Variants in PRMT8 observed in about 807,000 individuals in gnomAD.
PRMT8 encodes the protein protein arginine methyltransferase 8.
Under a neutral mutation model 47.1 loss-of-function variants are expected in PRMT8, and 7 were observed. The ratio of observed to expected loss-of-function variants is 0.15; its 90% CI spans 0.08 to 0.28. The LOEUF is 0.28. Ranked by LOEUF, PRMT8 falls within the 10% of genes least tolerant of loss-of-function variation. The pLI, the probability that PRMT8 is intolerant of heterozygous loss-of-function variation, is 1.00. For missense variants in PRMT8, 237 were observed against 505.4 expected, an observed-to-expected ratio of 0.47 and a Z score of 5.09; for synonymous variants, 188 against 186.5, an observed-to-expected ratio of 1.01 and a Z score of -0.07.
At chr12:3,486,519 A>G (rs1865325091), upstream of PRMT8, among the ~76,000 whole-genome samples, 2 of 152,160 alleles carry the variant, frequency 1.3e-5, no homozygotes, top group Non-Finnish European at 2.9e-5. Context: ...ATTGCACTGG[A>G]AAGACTGAAT....
At chr12:3,490,339 A>G (rs1194523801), upstream of PRMT8, among the ~76,000 whole-genome samples, 1 of 152,172 alleles carries the variant, frequency 6.6e-6, no homozygotes, top group Non-Finnish European at 1.5e-5. Flanking sequence ...GAAGCTCTCA[A>G]AGTGAAGACA....
intron 4 of PRMT8, among the ~76,000 whole-genome samples, chr12:3,554,481 C>G (rs986137432): frequency 1.3e-5 from 2 of 152,192 alleles, no homozygotes; most frequent in South Asian, 4.1e-4. Context: ...GCCGGGGCTG[C>G]AGTGAGGCCG....
At position 3,493,642 on chromosome 12, in the gene PRMT8, G is replaced by C. The variant is rs1027437019; in HGVS notation, c.75+1942G>C. 2.6e-5 allele frequency among the ~76,000 whole-genome samples: 4 copies of C among 152,206 alleles called. No homozygotes were observed. Among genetic ancestry groups the C allele is most frequent in the African/African-American group, 9.7e-5 (4 of 41,434 alleles). On this transcript the variant is annotated intron_variant, in intron 1 of 9. Coordinates refer to ENST00000382622, the MANE Select transcript of PRMT8 (RefSeq NM_019854.5). The surrounding 1 kb of genome is among the most constrained non-coding windows in gnomAD (Gnocchi z 8.2). ...GCCTCGGCGAGGGTTAAAGGCGTCC[G>C]GAGCAGGCAGAGCGCCGCGCGCCAG...
rs1591614096 is a variant in PRMT8 at position 3,580,351 on chromosome 12, T to TGTGC, written c.829-2704_829-2703insCGTG. 6.7e-6 allele frequency among the ~76,000 whole-genome samples: 1 copy of TGTGC among 150,050 alleles called. No homozygotes were observed. Among genetic ancestry groups the TGTGC allele is most frequent in the East Asian group, 1.9e-4 (1 of 5,152 alleles). ...GGGTGCGTGTGCGTGTGTGTGTGTG[T>TGTGC]GTGTGTGTGTGTGTGTACGCGTGCG... On this transcript the variant is annotated intron_variant, in intron 7 of 9. Coordinates refer to ENST00000382622, the MANE Select transcript of PRMT8 (RefSeq NM_019854.5). The surrounding 1 kb of genome is among the most constrained non-coding windows in gnomAD (Gnocchi z 4.6).
At chr12:3,527,345 A>G (rs1054864224) in intron 1 of PRMT8, among the ~76,000 whole-genome samples, 1 of 152,166 alleles carries the variant, frequency 6.6e-6, no homozygotes, top group African/African-American at 2.4e-5. Flanking sequence ...GGCGGGCAGC[A>G]TATACAGCAT....
At chr12:3,450,313 T>C (rs1256216160) in intron 1 of PRMT8, among the ~76,000 whole-genome samples, 3 of 152,244 alleles carry the variant, frequency 2.0e-5, no homozygotes, top group African/African-American at 4.8e-5. Context: ...TTTACCCATA[T>C]GAGATTTTGT....
At chr12:3,489,661 C>T (rs1865354745), upstream of PRMT8, among the ~76,000 whole-genome samples, 1 of 152,154 alleles carries the variant, frequency 6.6e-6, no homozygotes, top group Middle Eastern at 3.4e-3. Flanking sequence ...ATTTATTTTC[C>T]TACCACTTTC....
In PRMT8 at chr12:3,583,853, C is replaced by T. The variant is rs1324324393; in HGVS notation, c.979+645C>T. ...TCCTCACCACCCCTCTTGGCCGAGCCCTGTCCCGTCGCTGCTACCCCACAG... is the reference window on the plus strand; with the variant it reads ...TCCTCACCACCCCTCTTGGCCGAGCTCTGTCCCGTCGCTGCTACCCCACAG... On this transcript the variant is annotated intron_variant, in intron 8 of 9. Transcript: ENST00000382622. The surrounding 1 kb of genome is among the most constrained non-coding windows in gnomAD (Gnocchi z 4.7). 6.6e-6 allele frequency among the ~76,000 whole-genome samples: 1 copy of T among 152,232 alleles called. No individual in the cohort carries two copies. The highest frequency in any genetic ancestry group is 1.5e-5 in the Non-Finnish European group (1 of 68,038).
At chr12:3,422,513 G>C (rs1352977015) in intron 1 of PRMT8, among the ~76,000 whole-genome samples, 1 of 152,200 alleles carries the variant, frequency 6.6e-6, no homozygotes, top group Non-Finnish European at 1.5e-5. Context: ...TCCCTTTTAA[G>C]GGCTTACAAC....
chr12:3,422,218 C>T (rs532639777), intron 1 of PRMT8, among the ~76,000 whole-genome samples: 2 of 152,316 alleles, frequency 1.3e-5, no homozygotes, highest in South Asian at 2.1e-4. Context: ...TTATTTCCCA[C>T]CAGCCTCTGA....
chr12:3,465,866 G>T (rs939236578), intron 1 of PRMT8, among the ~76,000 whole-genome samples: 1 of 152,138 alleles, frequency 6.6e-6, no homozygotes, highest in Admixed American at 6.5e-5. Context: ...ACGCAGGAGG[G>T]TTGATTTTTT....
intron 1 of PRMT8, among the ~76,000 whole-genome samples, chr12:3,410,595 G>A (rs376789936): frequency 9.9e-5 from 15 of 152,266 alleles, no homozygotes; most frequent in Admixed American, 3.3e-4. Flanking sequence ...TGCAACCTCC[G>A]TCTACTGGAT....
upstream of PRMT8, chr12:3,491,156 C>G: frequency 1.0e-6 from 1 of 986,894 alleles, no homozygotes; most frequent in Non-Finnish European, 1.2e-6. Context: ...TACCCCGCCC[C>G]CACTCACCCG....
upstream of PRMT8, among the ~76,000 whole-genome samples, chr12:3,486,429 T>C (rs1865324117): frequency 6.6e-6 from 1 of 152,202 alleles, no homozygotes; most frequent in Non-Finnish European, 1.5e-5. Context: ...ATAAGTCTCT[T>C]CACCTTTTAG....
intron 3 of PRMT8, 146 bp from the exon 4 acceptor site, chr12:3,553,505 G>A (rs2137181320): frequency 1.4e-6 from 1 of 717,244 alleles, no homozygotes; most frequent in Admixed American, 2.4e-5. Context: ...CTGGGTTTCG[G>A]TTTTCAGTCT....
intron 3 of PRMT8, chr12:3,551,621 G>A (rs973970335): frequency 5.9e-5 from 9 of 152,290 alleles, no homozygotes; most frequent in African/African-American, 2.2e-4. Flanking sequence ...TCCAGCTGCG[G>A]TGACTTGGCG....
chr12:3,413,818 C>T (rs1156620172), intron 1 of PRMT8, among the ~76,000 whole-genome samples: 1 of 152,100 alleles, frequency 6.6e-6, no homozygotes, highest in African/African-American at 2.4e-5. Flanking sequence ...CAACTATTTA[C>T]ATAAAATTTA....
intron 1 of PRMT8, among the ~76,000 whole-genome samples, chr12:3,405,659 A>G (rs936703062): frequency 2.0e-5 from 3 of 152,198 alleles, no homozygotes; most frequent in African/African-American, 7.2e-5. Flanking sequence ...GAAGTCCAAA[A>G]TCCAGTAGGG....
Position 3,492,697 on chromosome 12 carries a change from G to A in PRMT8, c.75+997G>A, listed in dbSNP as rs964950867. 2.6e-5 allele frequency among the ~76,000 whole-genome samples: 4 copies of A among 152,200 alleles called. No homozygotes were observed. The highest frequency in any genetic ancestry group is 6.5e-5 in the Admixed American group (1 of 15,284). On this transcript the variant is annotated intron_variant, in intron 1 of 9. Transcript: ENST00000382622. This position sits in a 1 kb window ranked among gnomAD's most constrained non-coding sequence, Gnocchi z 7.5. The stretch of plus-strand genomic sequence containing the variant: ...ATTCCGTAGGCTCTGGGCACCTGTA[G>A]TCACGAAGGGGATCAGCGTGGGCAG...
Sources: gnomAD v4.1 joint callset for allele counts (sites outside exome capture counted in the v4.1 genomes callset) on GRCh38, gnomAD v4.1.1 for gene constraint, Gnocchi (gnomAD v3.1) non-coding constraint, MANE v1.5 for transcripts, NCBI Gene and HGNC (gene_info 2026-07-23, HGNC 2026-07-21) for gene names.